MCCC2: variants seen among roughly 807,000 people sequenced by gnomAD.
The protein encoded by MCCC2 is methylcrotonyl-CoA carboxylase subunit 2, also known as methylcrotonoyl-CoA carboxylase beta chain, mitochondrial.
A neutral mutation model predicts 77.2 loss-of-function variants in MCCC2; 52 were observed. The ratio of observed to expected loss-of-function variants is 0.67; its 90% CI spans 0.54 to 0.85. The LOEUF is 0.85. Among genes scored for constraint, MCCC2 ranks in the 40% least tolerant of loss-of-function variants. MCCC2 has a pLI of 0.00. For synonymous variants in MCCC2, 253 were observed against 248.4 expected (o/e 1.02, Z -0.18); for missense variants, 682 against 703.2 (o/e 0.97, Z 0.34).
chr5:71,615,030 G>A (rs895458306), intron 6 of MCCC2, among the ~76,000 whole-genome samples: 7 of 151,804 alleles, frequency 4.6e-5, no homozygotes, highest in Non-Finnish European at 5.9e-5. Context: ...GCAGTGGCAC[G>A]ATCTCGGCTC....
chr5:71,604,319 C>T, intron 5 of MCCC2, 37 bp from the exon 6 acceptor site: 1 of 1,542,062 alleles, frequency 6.5e-7, no homozygotes, highest in Non-Finnish European at 9.0e-7. Flanking sequence ...ACATTTAGTT[C>T]ATAGAGATGC....
intron 16 of MCCC2, among the ~76,000 whole-genome samples, chr5:71,655,153 C>G (rs970836833): frequency 6.6e-6 from 1 of 152,114 alleles, no homozygotes; most frequent in African/African-American, 2.4e-5. Context: ...GATGTTTAAC[C>G]CTTCTGTTGA....
chr5:71,592,506 A>G (rs1386274116), intron 1 of MCCC2, among the ~76,000 whole-genome samples: 1 of 152,252 alleles, frequency 6.6e-6, no homozygotes, highest in Admixed American at 6.5e-5. Flanking sequence ...CTGATGGGAC[A>G]GGAAAAATAA....
intron 6 of MCCC2, among the ~76,000 whole-genome samples, chr5:71,615,591 TA>T: frequency 6.6e-6 from 1 of 152,210 alleles, no homozygotes; most frequent in South Asian, 2.1e-4. Context: ...GCTGGTACCT[TA>T]GTATGAAATA....
intron 12 of MCCC2, 95 bp downstream of exon 12, chr5:71,643,990 C>A: frequency 1.3e-6 from 2 of 1,494,232 alleles, no homozygotes; most frequent in Non-Finnish European, 1.8e-6. Context: ...CATAAAAATG[C>A]TTAACTAGAT....
At chr5:71,607,091 A>G (rs1037605971) in intron 6 of MCCC2, among the ~76,000 whole-genome samples, 3 of 151,872 alleles carry the variant, frequency 2.0e-5, no homozygotes, top group Non-Finnish European at 4.4e-5. Context: ...CTGGCCTCAT[A>G]AAATGAGTTA....
intron 6 of MCCC2, among the ~76,000 whole-genome samples, chr5:71,614,754 G>A (rs547786067): frequency 6.6e-6 from 1 of 152,124 alleles, no homozygotes; most frequent in South Asian, 2.1e-4. Flanking sequence ...AAAGTGCTGG[G>A]ATTACAGGTA....
chr5:71,626,584 A>G (rs1177477728), intron 6 of MCCC2, 56 bp from the exon 7 acceptor site: 7 of 1,358,690 alleles, frequency 5.2e-6, no homozygotes, highest in South Asian at 2.3e-5. Flanking sequence ...ATCAAACACT[A>G]TAGAAGTCAC....
intron 16 of MCCC2, among the ~76,000 whole-genome samples, chr5:71,653,900 T>G (rs905376199): frequency 6.6e-6 from 1 of 150,782 alleles, no homozygotes; most frequent in African/African-American, 2.4e-5. Context: ...ATCATTTGAA[T>G]GGTTCCTTGG....
In MCCC2 at chr5:71,626,773, G is replaced by T; in HGVS notation, c.738+20G>T. ...CCCTTGGTAAGAACATAAGAACGTT[G>T]GTCGATGGAAATTAAGTATGCAGAA... On this transcript the variant is annotated intron_variant, in intron 7 of 16. Coordinates refer to ENST00000340941, the MANE Select transcript of MCCC2 (RefSeq NM_022132.5). The T allele has an allele frequency of 6.2e-7, 1 of 1,603,448 alleles. No homozygotes were observed. Among genetic ancestry groups the T allele is most frequent in the Non-Finnish European group, 8.5e-7 (1 of 1,170,482 alleles).
intron 8 of MCCC2, among the ~76,000 whole-genome samples, chr5:71,633,131 A>ATATTTTTTTTT (rs1554137344): frequency 2.6e-5 from 2 of 78,072 alleles, no homozygotes; most frequent in African/African-American, 5.1e-5. Context: ...ATATATATAT[A>ATATTTTTTTTT]TTTTTATTTT....
At chr5:71,590,677 C>G (rs1190032478) in intron 1 of MCCC2, among the ~76,000 whole-genome samples, 5 of 152,106 alleles carry the variant, frequency 3.3e-5, no homozygotes, top group Non-Finnish European at 7.3e-5. Context: ...ATTACCTGGG[C>G]ATGGTGGCGC....
In MCCC2 at chr5:71,632,184, A is replaced by G. The variant is rs756477001; in HGVS notation, c.802A>G (p.Arg268Gly). The G allele has an allele frequency of 7.4e-6, 12 of 1,614,020 alleles. No homozygotes were observed. The highest frequency in any genetic ancestry group is 2.2e-5 in the South Asian group (2 of 91,080). The change falls in exon 8 of 17, where the codon AGA becomes GGA. Residue 268 changes from arginine to glycine, a missense_variant and splice_region_variant. Arg to Gly is a moderately radical substitution (Grantham distance 125). Transcript: ENST00000340941. ...TCTTGGAGGTGCTGATCTTCATTGC[A>G]GGTGAAACAGAAATGGTTGTTTCTT... ...EDLGGADLHC[R>G]KSGVSDHWAL...
chr5:71,602,570 G>A lies in MCCC2; in HGVS notation c.448G>A (p.Val150Met). 6.2e-7 allele frequency: 1 copy of A among 1,614,132 alleles called. No homozygotes were observed. The highest frequency in any genetic ancestry group is 8.5e-7 in the Non-Finnish European group (1 of 1,180,016). ...VKGGAYYPVT[V>M]KKQLRAQEIA... ...AGGAGGTGCCTACTACCCAGTGACT[G>A]TGAAAAAACAATTACGGGCCCAAGA... Residue 150 changes from valine to methionine, a missense_variant, in exon 5 of 17, where the codon GTG becomes ATG. Physicochemically the swap from Val to Met is conservative, Grantham distance 21. Transcript: ENST00000340941.
intron 6 of MCCC2, among the ~76,000 whole-genome samples, chr5:71,616,300 G>A (rs74714597): frequency 2.0e-5 from 3 of 152,244 alleles, no homozygotes; most frequent in Non-Finnish European, 4.4e-5. Context: ...GGTAGTGGCA[G>A]CCCTGATTTA....
At chr5:71,605,952 A>G (rs924611535) in intron 6 of MCCC2, among the ~76,000 whole-genome samples, 118 of 152,238 alleles carry the variant, frequency 7.8e-4, no homozygotes, top group Non-Finnish European at 1.3e-3. Flanking sequence ...TTTGGTACCA[A>G]TACCATGCTG....
In MCCC2 at chr5:71,604,393, T is replaced by C. The variant is rs1400921456; in HGVS notation, c.549T>C (p.Asp183=). The C allele has an allele frequency of 1.2e-6, 2 of 1,614,072 alleles. No homozygotes were observed. Among genetic ancestry groups the C allele is most frequent in the Non-Finnish European group, 1.7e-6 (2 of 1,180,044 alleles). The part of the protein sequence containing the change: ...SGGAYLPRQA[D]VFPDRDHFGR... ...GAGCATACTTACCTCGACAAGCAGA[T>C]GTGTTTCCAGATCGAGACCACTTTG... The change falls in exon 6 of 17, where the codon GAT becomes GAC. Residue 183 remains aspartate, a synonymous_variant. Transcript: ENST00000340941.
intron 2 of MCCC2, among the ~76,000 whole-genome samples, chr5:71,593,893 G>A (rs1258120667): frequency 1.3e-5 from 2 of 152,132 alleles, no homozygotes; most frequent in Non-Finnish European, 2.9e-5. Flanking sequence ...TAAAAATAGT[G>A]AAGAAGACTG....
chr5:71,614,135 GT>G (rs917733514), intron 6 of MCCC2, among the ~76,000 whole-genome samples: 1 of 151,294 alleles, frequency 6.6e-6, no homozygotes. Context: ...TAGGGTTAAG[GT>G]TTGCCTTCTC....
Sources: allele counts gnomAD v4.1 joint callset (sites outside exome capture counted in the v4.1 genomes callset), GRCh38; gene constraint gnomAD v4.1.1; transcripts MANE v1.5; gene names NCBI Gene and HGNC (gene_info 2026-07-23, HGNC 2026-07-21).